The following SLC8B1 variants were observed in gnomAD, a reference collection of about 807,000 sequenced individuals.
SLC8B1 encodes the protein solute carrier family 8 member B1.
Under a neutral mutation model 63.4 loss-of-function variants are expected in SLC8B1, and 52 were observed. The ratio of observed to expected loss-of-function variants is 0.82; its 90% CI spans 0.66 to 1.03. The LOEUF is 1.03. Ranked by LOEUF, SLC8B1 falls within the 50% of genes least tolerant of loss-of-function variation. SLC8B1 has a pLI of 0.00. For missense variants in SLC8B1, 657 were observed against 741.7 expected (o/e 0.89, Z 1.33); for synonymous variants, 336 against 323.9 (o/e 1.04, Z -0.40).
At chr12:113,327,725 G>A (rs1002167336) in intron 2 of SLC8B1, among the ~76,000 whole-genome samples, 2 of 150,776 alleles carry the variant, frequency 1.3e-5, no homozygotes, top group African/African-American at 4.9e-5. Flanking sequence ...GGTCACACCT[G>A]TAATCCCAGC....
chr12:113,321,359 A>G lies in SLC8B1; in HGVS notation c.157-11T>C, dbSNP rs1223526510. The G allele has an allele frequency of 6.2e-7, 1 of 1,614,154 alleles. No individual in the cohort carries two copies. The highest frequency in any genetic ancestry group is 2.2e-5 in the East Asian group (1 of 44,878). ...ACACACCTTGCGGCACTGCAGGAAG[A>G]CAGGGAGGGGGACATCAGCGGCAGA... On this transcript the variant is annotated splice_polypyrimidine_tract_variant and intron_variant, in intron 2 of 15. Coordinates refer to ENST00000680972, the MANE Select transcript of SLC8B1 (RefSeq NM_001358345.2).
At chr12:113,330,555 G>A (rs2136869424) in intron 2 of SLC8B1, among the ~76,000 whole-genome samples, 1 of 152,314 alleles carries the variant, frequency 6.6e-6, no homozygotes, top group African/African-American at 2.4e-5. Flanking sequence ...GCACAAGGCT[G>A]ATCTAAGTGC....
chr12:113,299,906 C>G lies in SLC8B1; in HGVS notation c.1626G>C (p.Leu542=), dbSNP rs1566219644. The change falls in exon 16 of 16, where the codon CTG becomes CTC. Residue 542 remains leucine, a synonymous_variant. Transcript: ENST00000680972. The part of the protein sequence containing the change: ...GALGLSLVFS[L]VSVPLQCFQL... Reference sequence around the variant, plus strand: ...GGAAGCACTGCAATGGGACTGAGACCAGGGAGAAGACGAGGCTGAGCCCCA... The same window carrying G: ...GGAAGCACTGCAATGGGACTGAGACGAGGGAGAAGACGAGGCTGAGCCCCA... The G allele has an allele frequency of 5.0e-6, 8 of 1,614,170 alleles. No homozygotes were observed. Among genetic ancestry groups the G allele is most frequent in the Non-Finnish European group, 6.8e-6 (8 of 1,180,030 alleles).
At chr12:113,323,109 G>A (rs1956953895) in intron 2 of SLC8B1, among the ~76,000 whole-genome samples, 1 of 152,138 alleles carries the variant, frequency 6.6e-6, no homozygotes, top group East Asian at 1.9e-4. Context: ...CATTGGGTGA[G>A]GACTGCTAGA....
Position 113,320,264 on chromosome 12 carries a change from C to T in SLC8B1, c.694+67G>A. On this transcript the variant is annotated intron_variant, in intron 7 of 15. Coordinates refer to ENST00000680972, the MANE Select transcript of SLC8B1 (RefSeq NM_001358345.2). This position sits in a 1 kb window ranked among gnomAD's most constrained non-coding sequence, Gnocchi z 5.3. The stretch of plus-strand genomic sequence containing the variant: ...GACCACCCCTCACACCTCTCTGTCC[C>T]AGGCACCTCCTAAACCTCCTGCCCA... The T allele has an allele frequency of 6.4e-7, 1 of 1,561,306 alleles. No homozygotes were observed. Among genetic ancestry groups the T allele is most frequent in the Non-Finnish European group, 8.7e-7 (1 of 1,149,696 alleles).
intron 13 of SLC8B1, chr12:113,306,962 T>G: frequency 4.0e-6 from 1 of 250,346 alleles, no homozygotes; most frequent in Non-Finnish European, 7.6e-6. Flanking sequence ...AATACAAAAA[T>G]TAGCTGGGCA....
chr12:113,324,119 T>C (rs1260754495), intron 2 of SLC8B1, among the ~76,000 whole-genome samples: 1 of 151,920 alleles, frequency 6.6e-6, no homozygotes, highest in Non-Finnish European at 1.5e-5. Flanking sequence ...TGAGACCAAC[T>C]TGGGTAACAT....
intron 2 of SLC8B1, among the ~76,000 whole-genome samples, chr12:113,324,689 G>C (rs943954544): frequency 6.6e-6 from 1 of 151,586 alleles, no homozygotes; most frequent in Non-Finnish European, 1.5e-5. Context: ...TTACAGGTGT[G>C]AGCCACTGCG....
At chr12:113,314,981 G>A (rs1376475044) in intron 11 of SLC8B1, among the ~76,000 whole-genome samples, 2 of 152,152 alleles carry the variant, frequency 1.3e-5, no homozygotes, top group Non-Finnish European at 2.9e-5. Context: ...CCTCCCTCAC[G>A]TGGTTGAGAA....
intron 2 of SLC8B1, among the ~76,000 whole-genome samples, chr12:113,323,840 A>G (rs956985699): frequency 4.6e-5 from 7 of 152,126 alleles, no homozygotes; most frequent in African/African-American, 1.7e-4. Flanking sequence ...TCCCACTAAC[A>G]CCAGACTGGA....
chr12:113,317,884 GAT>G (rs1956857165), intron 8 of SLC8B1, among the ~76,000 whole-genome samples: 1 of 150,784 alleles, frequency 6.6e-6, no homozygotes, highest in South Asian at 2.1e-4. Context: ...TGTGTGCATT[GAT>G]GTTTTTGTGT....
At chr12:113,322,051 A>C (rs1349442547) in intron 2 of SLC8B1, among the ~76,000 whole-genome samples, 1 of 152,084 alleles carries the variant, frequency 6.6e-6, no homozygotes, top group South Asian at 2.1e-4. Context: ...ATAAAAAATT[A>C]GGTAGGCATG....
chr12:113,329,187 A>C (rs1347751953), intron 2 of SLC8B1, among the ~76,000 whole-genome samples: 2 of 152,204 alleles, frequency 1.3e-5, no homozygotes, highest in African/African-American at 4.8e-5. Context: ...TCAGAGACCC[A>C]GGAGGTTGGC....
chr12:113,316,691 C>A lies in SLC8B1; in HGVS notation c.863-35G>T, dbSNP rs756184409. The A allele has an allele frequency of 6.2e-6, 10 of 1,606,290 alleles. No individual in the cohort carries two copies. The Middle Eastern group carries it at 6.5e-4, about 104-fold the overall frequency. On this transcript the variant is annotated intron_variant, in intron 9 of 15. Coordinates refer to ENST00000680972, the MANE Select transcript of SLC8B1 (RefSeq NM_001358345.2). ...GGGGTCGGGTGGTGAGGTGTGCCTG[C>A]GGCTGACTTGCTCTCCAGGAAACCT...
In SLC8B1 at chr12:113,299,620, C is replaced by T; in HGVS notation, c.*157G>A. On this transcript the variant is annotated 3_prime_UTR_variant, in exon 16 of 16. Transcript: ENST00000680972. ...TGGCAGCAAGAGGTACACAGCAGTTCTCCCAGCTCACAGCAGTGACCTCAG... is the reference window on the plus strand; with the variant it reads ...TGGCAGCAAGAGGTACACAGCAGTTTTCCCAGCTCACAGCAGTGACCTCAG... 3 of 691,448 alleles carry T rather than the reference C, an allele frequency of 4.3e-6. No homozygotes were observed. In the South Asian group the frequency reaches 5.3e-5, roughly 12 times the overall value. 42.8% of individuals were successfully genotyped at this position (691,448 alleles called of 1,614,324 possible). A position where few individuals can be genotyped will look rare whatever the true frequency, so the allele number is the denominator to read the frequency against.
rs1033290601 is a variant in SLC8B1 at position 113,305,107 on chromosome 12, G to A, written c.1493-722C>T. 2.0e-5 allele frequency among the ~76,000 whole-genome samples: 3 copies of A among 152,214 alleles called. No homozygotes were observed. Among genetic ancestry groups the A allele is most frequent in the Non-Finnish European group, 4.4e-5 (3 of 68,036 alleles). On this transcript the variant is annotated intron_variant, in intron 14 of 15. Coordinates refer to ENST00000680972, the MANE Select transcript of SLC8B1 (RefSeq NM_001358345.2). This position sits in a 1 kb window ranked among gnomAD's most constrained non-coding sequence, Gnocchi z 4.3. Reference sequence around the variant, plus strand: ...AGCACTCAGTAGGTGGGGAAACCGAGGCCAGGAGAGATGAAGGGACTGCCC... The same window carrying A: ...AGCACTCAGTAGGTGGGGAAACCGAAGCCAGGAGAGATGAAGGGACTGCCC...
At chr12:113,301,822 T>G (rs1956591666) in intron 15 of SLC8B1, among the ~76,000 whole-genome samples, 1 of 152,206 alleles carries the variant, frequency 6.6e-6, no homozygotes, top group African/African-American at 2.4e-5. Flanking sequence ...TTGACTGACT[T>G]GTCCAAGGTG....
intron 2 of SLC8B1, among the ~76,000 whole-genome samples, chr12:113,327,475 A>G (rs1156465265): frequency 6.6e-6 from 1 of 152,138 alleles, no homozygotes; most frequent in Non-Finnish European, 1.5e-5. Flanking sequence ...GCCTGAGCCC[A>G]TGAGTTTGAG....
At chr12:113,314,305 T>A (rs1956804444) in intron 11 of SLC8B1, among the ~76,000 whole-genome samples, 1 of 152,212 alleles carries the variant, frequency 6.6e-6, no homozygotes, top group African/African-American at 2.4e-5. Context: ...TTCATCCCGA[T>A]GGAGTTTCAT....
Sources: gnomAD v4.1 joint callset for allele counts (sites outside exome capture counted in the v4.1 genomes callset) on GRCh38, gnomAD v4.1.1 for gene constraint, Gnocchi (gnomAD v3.1) non-coding constraint, MANE v1.5 for transcripts, NCBI Gene and HGNC (gene_info 2026-07-23, HGNC 2026-07-21) for gene names.